Variants in PALM2AKAP2 observed in about 807,000 individuals in gnomAD.
PALM2AKAP2 encodes the protein PALM2 and AKAP2 fusion.
In PALM2AKAP2, 37 loss-of-function variants were observed where a neutral mutation model predicts 71.5. The ratio of observed to expected loss-of-function variants is 0.52; its 90% confidence interval spans 0.40 to 0.68. The LOEUF is 0.68. Among genes scored for constraint, PALM2AKAP2 ranks in the 30% least tolerant of loss-of-function variants. PALM2AKAP2 has a pLI of 0.00. For missense variants in PALM2AKAP2, 1,224 were observed against 1,191.8 expected, an observed-to-expected ratio of 1.03 and a Z score of -0.40; for synonymous variants, 468 against 478.8, an observed-to-expected ratio of 0.98 and a Z score of 0.29.
At chr9:109,993,018 C>T (rs1360907004) in intron 6 of PALM2AKAP2, among the ~76,000 whole-genome samples, 1 of 148,984 alleles carries the variant, frequency 6.7e-6, no homozygotes, top group Non-Finnish European at 1.5e-5. Flanking sequence ...GGACTGCAAC[C>T]CAGGAGCATA....
chr9:109,670,983 G>A (rs1287662837), intron 1 of PALM2AKAP2, among the ~76,000 whole-genome samples: 1 of 152,032 alleles, frequency 6.6e-6, no homozygotes, highest in African/African-American at 2.4e-5. Flanking sequence ...TTCTTTTCTT[G>A]CAAATTTGTT....
In PALM2AKAP2 at chr9:109,702,931, G is replaced by T. The variant is rs188609309; in HGVS notation, c.5+62065G>T. On this transcript the variant is annotated intron_variant, in intron 1 of 6. Transcript: ENST00000374531. ...CTTCCCAGGTTCAAGCGATTTTCCT[G>T]CCTTAGCCTCCCATGTAGCTGGGAG... is the stretch of plus-strand genomic sequence containing the variant. Among the ~76,000 whole-genome samples, 22 of 151,654 alleles carry T rather than the reference G, an allele frequency of 1.5e-4. No homozygotes were observed. The East Asian group carries it at 4.3e-3, about 30-fold the overall frequency.
At chr9:109,804,708 T>C (rs1252851024) in intron 1 of PALM2AKAP2, among the ~76,000 whole-genome samples, 1 of 152,160 alleles carries the variant, frequency 6.6e-6, no homozygotes, top group Admixed American at 6.5e-5. Context: ...AAATCATAAT[T>C]GGTTGATTTT....
chr9:109,967,144 C>A (rs549425232), intron 6 of PALM2AKAP2, among the ~76,000 whole-genome samples: 2 of 152,146 alleles, frequency 1.3e-5, no homozygotes, highest in African/African-American at 2.4e-5. Context: ...CTTCCTCCCC[C>A]TCGTGTCCGG....
At chr9:109,894,789 T>A (rs942446437) in intron 3 of PALM2AKAP2, among the ~76,000 whole-genome samples, 1 of 152,014 alleles carries the variant, frequency 6.6e-6, no homozygotes, top group African/African-American at 2.4e-5. Flanking sequence ...TTTCCTATAG[T>A]TTTTTTAAGA....
At position 109,679,608 on chromosome 9, in the gene PALM2AKAP2, A is replaced by G. The variant is rs564805183; in HGVS notation, c.5+38742A>G. Among the ~76,000 whole-genome samples, 24 of 152,272 alleles carry G rather than the reference A, an allele frequency of 1.6e-4. No individual in the cohort carries two copies. In the South Asian group the frequency reaches 2.3e-3, roughly 14 times the overall value. ...ATAATATTGGGTTTTTCTTACCCCA[A>G]TGGGAGATGCAGAGCTACTCAAAGC... On this transcript the variant is annotated intron_variant, in intron 1 of 6. Transcript: ENST00000374531.
intron 1 of PALM2AKAP2, among the ~76,000 whole-genome samples, chr9:109,674,293 GCTAATTTCAATAT>G (rs1205438017): frequency 6.6e-6 from 1 of 151,486 alleles, no homozygotes; most frequent in African/African-American, 2.4e-5. Context: ...GTCCTTATTT[GCTAATTTCAATAT>G]CTGAGTCATC....
intron 1 of PALM2AKAP2, among the ~76,000 whole-genome samples, chr9:109,663,152 T>C (rs957513611): frequency 6.6e-6 from 1 of 152,218 alleles, no homozygotes; most frequent in African/African-American, 2.4e-5. Flanking sequence ...TCCGGATTCA[T>C]TGATTTTTTG....
At chr9:109,662,155 TA>T in intron 1 of PALM2AKAP2, among the ~76,000 whole-genome samples, 1 of 152,162 alleles carries the variant, frequency 6.6e-6, no homozygotes, top group East Asian at 1.9e-4. Context: ...GAATACCCTT[TA>T]TTTCTTTCTC....
At chr9:109,722,157 T>A (rs952283473) in intron 1 of PALM2AKAP2, among the ~76,000 whole-genome samples, 1 of 152,228 alleles carries the variant, frequency 6.6e-6, no homozygotes, top group Admixed American at 6.5e-5. Context: ...TGTTAATAAA[T>A]TATGATTCAT....
intron 2 of PALM2AKAP2, among the ~76,000 whole-genome samples, chr9:109,877,355 T>C (rs1178282051): frequency 6.6e-6 from 1 of 152,094 alleles, no homozygotes; most frequent in Non-Finnish European, 1.5e-5. Context: ...AATAAATGGA[T>C]GAATTGGGAA....
At chr9:109,922,226 C>T (rs910948267) in intron 3 of PALM2AKAP2, among the ~76,000 whole-genome samples, 3 of 151,480 alleles carry the variant, frequency 2.0e-5, no homozygotes, top group African/African-American at 4.9e-5. Context: ...TCAAGACCCA[C>T]GCAGGCAACA....
chr9:110,008,815 C>A (rs1158231804), intron 6 of PALM2AKAP2, among the ~76,000 whole-genome samples: 3 of 152,024 alleles, frequency 2.0e-5, no homozygotes, highest in African/African-American at 7.2e-5. Context: ...GGTAGAGGGG[C>A]AGGGTCATGT....
intron 1 of PALM2AKAP2, among the ~76,000 whole-genome samples, chr9:109,725,431 A>G (rs1387523896): frequency 6.6e-6 from 1 of 152,240 alleles, no homozygotes; most frequent in African/African-American, 2.4e-5. Context: ...CTGCATGGAC[A>G]GTCTGCAAAT....
chr9:109,844,055 T>TG (rs1398421419), intron 1 of PALM2AKAP2, among the ~76,000 whole-genome samples: 1 of 152,246 alleles, frequency 6.6e-6, no homozygotes, highest in Non-Finnish European at 1.5e-5. Context: ...ATGATTTATT[T>TG]GTGAGATATG....
At chr9:109,905,972 TAAAC>T (rs1830437027) in intron 3 of PALM2AKAP2, among the ~76,000 whole-genome samples, 1 of 151,902 alleles carries the variant, frequency 6.6e-6, no homozygotes, top group African/African-American at 2.4e-5. Flanking sequence ...TAAAAATAAA[TAAAC>T]AAATAAACTT....
chr9:109,760,868 C>T (rs1587897417), intron 1 of PALM2AKAP2, among the ~76,000 whole-genome samples: 1 of 152,018 alleles, frequency 6.6e-6, no homozygotes, highest in African/African-American at 2.4e-5. Flanking sequence ...TTTTTTTTCT[C>T]ATTTTTTAAA....
chr9:110,123,179 G>A (rs2119016497), intron 1 of PALM2AKAP2, among the ~76,000 whole-genome samples: 1 of 152,336 alleles, frequency 6.6e-6, no homozygotes, highest in East Asian at 1.9e-4. Context: ...GTGTATGTGT[G>A]AGTATATAGA....
At chr9:110,062,636 C>G (rs990970547) in intron 1 of PALM2AKAP2, among the ~76,000 whole-genome samples, 1 of 152,188 alleles carries the variant, frequency 6.6e-6, no homozygotes, top group Non-Finnish European at 1.5e-5. Flanking sequence ...AGTGGTCCAT[C>G]CAACACCTAT....
Sources: gnomAD v4.1 joint callset for allele counts (sites outside exome capture counted in the v4.1 genomes callset) on GRCh38, gnomAD v4.1.1 for gene constraint, MANE v1.5 for transcripts, NCBI Gene and HGNC (gene_info 2026-07-23, HGNC 2026-07-21) for gene names.